The following CDK14 variants were observed in gnomAD, a reference collection of about 807,000 sequenced individuals.
CDK14 encodes cyclin dependent kinase 14.
CDK14 carries 34 observed loss-of-function variants against 60.7 expected under a neutral mutation model. The observed-to-expected ratio is 0.56, with a 90% CI of 0.43 to 0.75. The LOEUF (loss-of-function observed/expected upper bound fraction) is 0.75, where lower values mean the gene tolerates loss of function less well. Among genes scored for constraint, CDK14 ranks in the 30% least tolerant of loss-of-function variants. CDK14 has a pLI of 0.00. For synonymous variants in CDK14, 197 were observed against 203.7 expected, an observed-to-expected ratio of 0.97 and a Z score of 0.28; for missense variants, 482 against 564.1, an observed-to-expected ratio of 0.85 and a Z score of 1.47.
chr7:90,780,478 G>C (rs915074256), intron 4 of CDK14, among the ~76,000 whole-genome samples: 3 of 150,466 alleles, frequency 2.0e-5, no homozygotes, highest in East Asian at 3.9e-4. Flanking sequence ...ACAATGTGCA[G>C]GTTAGTTACA....
chr7:90,942,530 T>A (rs1793966843), intron 8 of CDK14, among the ~76,000 whole-genome samples: 1 of 152,220 alleles, frequency 6.6e-6, no homozygotes, highest in Admixed American at 6.5e-5. Context: ...ACTTAAATGT[T>A]ACTGCAAGTT....
chr7:90,863,330 T>C, intron 6 of CDK14, 61 bp downstream of exon 6: 1 of 986,772 alleles, frequency 1.0e-6, no homozygotes, highest in Non-Finnish European at 1.6e-6. Context: ...TCTTATAGTG[T>C]TGTCATAGAA....
chr7:90,637,898 T>C (rs1800194966), intron 2 of CDK14, among the ~76,000 whole-genome samples: 2 of 150,146 alleles, frequency 1.3e-5, no homozygotes, highest in South Asian at 4.3e-4. Flanking sequence ...ATGGCCTTCT[T>C]TGTCTCTTTT....
At chr7:90,935,561 A>G (rs984145430) in intron 8 of CDK14, among the ~76,000 whole-genome samples, 1 of 152,230 alleles carries the variant, frequency 6.6e-6, no homozygotes, top group African/African-American at 2.4e-5. Context: ...TTATTATCTT[A>G]TGATTACAGT....
At chr7:90,778,505 C>G (rs1584882685) in intron 4 of CDK14, among the ~76,000 whole-genome samples, 1 of 152,174 alleles carries the variant, frequency 6.6e-6, no homozygotes, top group Non-Finnish European at 1.5e-5. Flanking sequence ...TTCTCCACAC[C>G]ATAGCGAGTG....
chr7:90,707,458 C>T (rs1253275840), intron 2 of CDK14, among the ~76,000 whole-genome samples: 1 of 152,102 alleles, frequency 6.6e-6, no homozygotes, highest in Non-Finnish European at 1.5e-5. Flanking sequence ...CCTTCCTTCA[C>T]CTCTCCAATC....
At chr7:90,735,353 C>T (rs1803049606) in intron 3 of CDK14, among the ~76,000 whole-genome samples, 1 of 152,248 alleles carries the variant, frequency 6.6e-6, no homozygotes, top group African/African-American at 2.4e-5. Context: ...GGGAGATCCG[C>T]TGCTCTCTTT....
At chr7:90,598,704 A>ATTTGGT (rs1554416545) in intron 1 of CDK14, among the ~76,000 whole-genome samples, 7 of 87,890 alleles carry the variant, frequency 8.0e-5, no homozygotes, top group South Asian at 4.2e-4. Context: ...TTATCTAAGG[A>ATTTGGT]TTTTTTTTTT....
In CDK14 at chr7:91,168,155, G is replaced by A. The variant is rs566265413; in HGVS notation, c.*29-39010G>A. ...CGCACGTCTGTAATCCCAGCTACTC[G>A]GGATACTGAGGCAGGAGAATTGCTT... is the stretch of plus-strand genomic sequence containing the variant. On this transcript the variant is annotated intron_variant, in intron 14 of 14. Coordinates refer to ENST00000380050, the MANE Select transcript of CDK14 (RefSeq NM_001287135.2). 7.9e-5 allele frequency among the ~76,000 whole-genome samples: 12 copies of A among 151,904 alleles called. No homozygotes were observed. In the South Asian group the frequency reaches 2.1e-3, roughly 26 times the overall value.
intron 4 of CDK14, among the ~76,000 whole-genome samples, chr7:90,778,846 A>ACTTCCTTCCTTCCTTCCTT (rs1554335031): frequency 7.8e-6 from 1 of 127,864 alleles, no homozygotes; most frequent in African/African-American, 3.1e-5. Context: ...AAATTGACCG[A>ACTTCCTTCCTTCCTTCCTT]CCTTCCTTCC....
chr7:90,958,413 TAATA>T (rs1794497852), intron 9 of CDK14, among the ~76,000 whole-genome samples: 1 of 152,148 alleles, frequency 6.6e-6, no homozygotes, highest in Non-Finnish European at 1.5e-5. Context: ...TAACATCTTG[TAATA>T]AATCTAATAC....
At chr7:91,145,934 ATTTATTTAT>A (rs1800620459) in intron 14 of CDK14, among the ~76,000 whole-genome samples, 1 of 151,238 alleles carries the variant, frequency 6.6e-6, no homozygotes, top group Admixed American at 6.6e-5. Context: ...TTATTTATTT[ATTTATTTAT>A]TTATTTATTT....
chr7:90,801,961 C>T (rs1245932602), intron 5 of CDK14, among the ~76,000 whole-genome samples: 1 of 152,184 alleles, frequency 6.6e-6, no homozygotes, highest in Non-Finnish European at 1.5e-5. Flanking sequence ...CCTCCCTTTT[C>T]CCTGACCTGG....
At chr7:90,732,965 T>C (rs957255946) in intron 3 of CDK14, among the ~76,000 whole-genome samples, 8 of 152,224 alleles carry the variant, frequency 5.3e-5, no homozygotes, top group Non-Finnish European at 4.4e-5. Flanking sequence ...CTGCTTTCTC[T>C]TGTGGGCATT....
At chr7:90,806,021 T>G (rs1199602610) in intron 5 of CDK14, among the ~76,000 whole-genome samples, 1 of 152,150 alleles carries the variant, frequency 6.6e-6, no homozygotes, top group Non-Finnish European at 1.5e-5. Flanking sequence ...TTTTAATAAG[T>G]TGCAAGGCAA....
At chr7:90,602,644 AT>A (rs2116314614) in intron 1 of CDK14, among the ~76,000 whole-genome samples, 1 of 152,320 alleles carries the variant, frequency 6.6e-6, no homozygotes, top group Admixed American at 6.5e-5. Flanking sequence ...TTTAGATTTA[AT>A]GTAGGTTATT....
chr7:91,148,908 A>G (rs1800740797), intron 14 of CDK14, among the ~76,000 whole-genome samples: 1 of 152,198 alleles, frequency 6.6e-6, no homozygotes, highest in African/African-American at 2.4e-5. Flanking sequence ...AATTTTATAT[A>G]AAAACATGAG....
At chr7:91,162,139 C>T (rs1389407624) in intron 14 of CDK14, among the ~76,000 whole-genome samples, 2 of 152,152 alleles carry the variant, frequency 1.3e-5, no homozygotes, top group Non-Finnish European at 2.9e-5. Flanking sequence ...GTGGGATTAG[C>T]ATGGACAGAC....
rs1821013599 is a variant in CDK14, at chr7:91,092,411, A to G, written c.1154+12931A>G. ...ACCAGCCTCTTGGAAAAACCTAGGC[A>G]TCCTCTTACCACAGGGCATGACAGA... On this transcript the variant is annotated intron_variant, in intron 12 of 14. Transcript: ENST00000380050. Among the ~76,000 whole-genome samples the G allele has an allele frequency of 4.6e-5, 7 of 152,322 alleles. No individual in the cohort carries two copies. The South Asian group carries it at 1.5e-3, about 32-fold the overall frequency.
Sources: allele counts gnomAD v4.1 joint callset (sites outside exome capture counted in the v4.1 genomes callset), GRCh38; gene constraint gnomAD v4.1.1; transcripts MANE v1.5; gene names NCBI Gene and HGNC (gene_info 2026-07-23, HGNC 2026-07-21).